Variants in ACAP2 observed in about 807,000 individuals in gnomAD.
ACAP2 encodes ArfGAP with coiled-coil, ankyrin repeat and PH domains 2.
A neutral mutation model predicts 115.8 loss-of-function variants in ACAP2; 39 were observed. That is an observed-to-expected ratio of 0.34 (90% CI 0.26 to 0.44). The LOEUF is 0.44. Ranked by LOEUF, ACAP2 falls within the 20% of genes least tolerant of loss-of-function variation. The pLI is 1.00. For missense variants in ACAP2, 662 were observed against 927.6 expected (o/e 0.71, Z 3.72); for synonymous variants, 289 against 315.8 (o/e 0.92, Z 0.90).
chr3:195,340,356 GAAGATA>G (rs1730786515), intron 6 of ACAP2, among the ~76,000 whole-genome samples: 1 of 151,852 alleles, frequency 6.6e-6, no homozygotes, highest in Non-Finnish European at 1.5e-5. Context: ...AGCCATTTTG[GAAGATA>G]AGAGATTTCA....
intron 2 of ACAP2, among the ~76,000 whole-genome samples, chr3:195,389,055 AAAAG>A (rs1734484504): frequency 6.6e-6 from 1 of 152,042 alleles, no homozygotes; most frequent in African/African-American, 2.4e-5. Flanking sequence ...AAAAAAAAAA[AAAAG>A]AATTTGGAAG....
At chr3:195,280,639 T>C (rs114410317) in intron 22 of ACAP2, 37 of 152,266 alleles carry the variant, frequency 2.4e-4, no homozygotes, top group African/African-American at 8.7e-4. Flanking sequence ...TATGTACAAA[T>C]ATGTTTACCG....
intron 22 of ACAP2, among the ~76,000 whole-genome samples, chr3:195,283,297 C>T (rs1006756772): frequency 1.3e-5 from 2 of 151,762 alleles, no homozygotes; most frequent in African/African-American, 2.4e-5. Flanking sequence ...TTGAAGAAAA[C>T]GTGTGCTCTC....
intron 1 of ACAP2, among the ~76,000 whole-genome samples, chr3:195,407,781 C>T (rs1360965363): frequency 6.6e-6 from 1 of 152,034 alleles, no homozygotes. Flanking sequence ...GAAACCAAAA[C>T]CAAAGCTAGC....
chr3:195,285,990 T>C (rs1053414786), intron 21 of ACAP2, 133 bp from the exon 22 acceptor site: 2 of 644,896 alleles, frequency 3.1e-6, no homozygotes, highest in Non-Finnish European at 5.1e-6. Flanking sequence ...GGCTTTTAGT[T>C]TATCAAACCC....
chr3:195,337,672 C>G (rs1730596560), intron 6 of ACAP2, among the ~76,000 whole-genome samples: 2 of 152,128 alleles, frequency 1.3e-5, no homozygotes, highest in East Asian at 3.9e-4. Context: ...GGTCTTAACT[C>G]CTGACCTCAA....
chr3:195,305,700 A>G (rs2108979970), intron 13 of ACAP2, among the ~76,000 whole-genome samples: 1 of 152,248 alleles, frequency 6.6e-6, no homozygotes, highest in South Asian at 2.1e-4. Context: ...CTTTGCTGAC[A>G]TGCCCTTCGT....
chr3:195,318,882 G>A (rs1729260982), intron 10 of ACAP2, among the ~76,000 whole-genome samples: 1 of 152,190 alleles, frequency 6.6e-6, no homozygotes, highest in South Asian at 2.1e-4. Flanking sequence ...AAGACAATGG[G>A]AAAAATGTCT....
intron 1 of ACAP2, among the ~76,000 whole-genome samples, chr3:195,402,441 TA>T (rs1442277312): frequency 7.9e-5 from 12 of 152,126 alleles, no homozygotes; most frequent in African/African-American, 2.9e-4. Flanking sequence ...GCATAAACCT[TA>T]AAACTAAAGT....
chr3:195,428,317 CATAT>C lies in ACAP2; in HGVS notation c.53+14474_53+14477del, dbSNP rs541364391. On this transcript the variant is annotated intron_variant, in intron 1 of 22. Coordinates refer to ENST00000326793, the MANE Select transcript of ACAP2 (RefSeq NM_012287.6). ...ATACATACATAGATATATATACACT[CATAT>C]ATATAGGTGTGTGTGTATATATATA... Among the ~76,000 whole-genome samples, 29 of 146,424 alleles carry C rather than the reference CATAT, an allele frequency of 2.0e-4. No individual in the cohort carries two copies. The East Asian group carries it at 5.0e-3, about 25-fold the overall frequency.
intron 9 of ACAP2, 53 bp from the exon 10 acceptor site, chr3:195,320,866 A>T: frequency 1.7e-6 from 2 of 1,200,192 alleles, no homozygotes; most frequent in Non-Finnish European, 2.5e-6. Context: ...AGTTTCCTAG[A>T]CAAGAAATGG....
chr3:195,303,432 T>TACAA (rs1203760802), intron 13 of ACAP2, among the ~76,000 whole-genome samples: 7 of 134,346 alleles, frequency 5.2e-5, no homozygotes, highest in South Asian at 2.7e-4. Context: ...CATACATACA[T>TACAA]ACAAATTAGC....
At chr3:195,288,989 A>G (rs748095083) in intron 21 of ACAP2, 132 bp downstream of exon 21, 5 of 614,524 alleles carry the variant, frequency 8.1e-6, no homozygotes, top group Non-Finnish European at 1.4e-5. Flanking sequence ...AATACATACC[A>G]TTTTATATAA....
At chr3:195,383,119 G>A (rs1734058678) in intron 2 of ACAP2, among the ~76,000 whole-genome samples, 1 of 152,050 alleles carries the variant, frequency 6.6e-6, no homozygotes, top group African/African-American at 2.4e-5. Context: ...AGAAATGCTG[G>A]CACAGATGTC....
At chr3:195,300,887 T>C (rs1728000678) in intron 15 of ACAP2, among the ~76,000 whole-genome samples, 1 of 151,922 alleles carries the variant, frequency 6.6e-6, no homozygotes, top group Non-Finnish European at 1.5e-5. Context: ...CATGGTGGCA[T>C]GCATCTGTGG....
intron 1 of ACAP2, among the ~76,000 whole-genome samples, chr3:195,395,908 C>A (rs374422601): frequency 2.0e-5 from 3 of 152,160 alleles, no homozygotes; most frequent in East Asian, 3.9e-4. Flanking sequence ...TCTATTCATG[C>A]ATCATAGTTT....
intron 2 of ACAP2, among the ~76,000 whole-genome samples, chr3:195,384,634 G>A (rs566479105): frequency 4.3e-4 from 66 of 152,230 alleles, no homozygotes; most frequent in African/African-American, 1.4e-3. Flanking sequence ...GGCTGAGGCA[G>A]GAGAATTGCC....
chr3:195,384,013 G>A (rs1042956770), intron 2 of ACAP2, among the ~76,000 whole-genome samples: 2 of 152,170 alleles, frequency 1.3e-5, no homozygotes, highest in Non-Finnish European at 2.9e-5. Context: ...TCACTCTCAC[G>A]CATTGTTGGT....
chr3:195,352,295 T>C (rs1454264503), intron 4 of ACAP2, among the ~76,000 whole-genome samples: 3 of 152,200 alleles, frequency 2.0e-5, no homozygotes, highest in Non-Finnish European at 4.4e-5. Flanking sequence ...TTGTGATAAG[T>C]ACATTCTATG....
Sources: gnomAD v4.1 joint callset for allele counts (sites outside exome capture counted in the v4.1 genomes callset) on GRCh38, gnomAD v4.1.1 for gene constraint, MANE v1.5 for transcripts, NCBI Gene and HGNC (gene_info 2026-07-23, HGNC 2026-07-21) for gene names.